Variants in AP3B1 observed in about 807,000 individuals in gnomAD.
AP3B1 encodes the protein AP-3 complex subunit beta-1.
In AP3B1, 61 loss-of-function variants were observed where a neutral mutation model predicts 132.5. The observed-to-expected ratio is 0.46, with a 90% CI of 0.37 to 0.57. AP3B1 has a LOEUF of 0.57. AP3B1 is among the 20% of genes least tolerant of loss of function. AP3B1 has a pLI of 0.00. For missense variants in AP3B1, 1,120 were observed against 1,289.4 expected (o/e 0.87, Z 2.01); for synonymous variants, 388 against 438.3 (o/e 0.89, Z 1.43).
At chr5:78,125,102 A>G (rs113465179) in intron 17 of AP3B1, among the ~76,000 whole-genome samples, 2,118 of 152,314 alleles carry the variant, frequency 0.014, 58 homozygotes, top group African/African-American at 0.048. Flanking sequence ...AGTTTCTGTA[A>G]AGGATAAAAT....
At position 78,141,447 on chromosome 5, in the gene AP3B1, A is replaced by T. The variant is rs2302977; in HGVS notation, c.1474-128T>A. ...TAATTTAATGTATATCTAGGAATTA[A>T]TCCTGTATTTATGAATTTTCGTCAG... On this transcript the variant is annotated intron_variant, in intron 14 of 26. Coordinates refer to ENST00000255194, the MANE Select transcript of AP3B1 (RefSeq NM_003664.5). 0.26 allele frequency: 177,431 copies of T among 694,948 alleles called. 24,059 individuals are homozygous for T. The highest frequency in any genetic ancestry group is 0.39 in the Admixed American group (13,414 of 34,236). The allele number at this position is 694,948 out of a possible 1,614,324, so 43.0% of individuals were successfully genotyped here. A position where few individuals can be genotyped will look rare whatever the true frequency, so the allele number is the denominator to read the frequency against.
chr5:78,149,244 G>A (rs1753543574), intron 14 of AP3B1, among the ~76,000 whole-genome samples: 1 of 152,182 alleles, frequency 6.6e-6, no homozygotes, highest in Non-Finnish European at 1.5e-5. Flanking sequence ...GATTATAAAT[G>A]GAAGTGAGAT....
intron 6 of AP3B1, among the ~76,000 whole-genome samples, chr5:78,219,875 T>C (rs1441034293): frequency 6.6e-6 from 1 of 152,138 alleles, no homozygotes; most frequent in Non-Finnish European, 1.5e-5. Flanking sequence ...TTCAAATGTA[T>C]ATGTATCAGC....
chr5:78,108,252 A>C (rs1751427015), intron 20 of AP3B1, among the ~76,000 whole-genome samples: 1 of 152,206 alleles, frequency 6.6e-6, no homozygotes, highest in East Asian at 1.9e-4. Context: ...AATTAAAGTA[A>C]AGTACCCACC....
At position 78,217,783 on chromosome 5, in the gene AP3B1, T is replaced by C. The variant is rs1746022395; in HGVS notation, c.604-1546A>G. On this transcript the variant is annotated intron_variant, in intron 6 of 26. Transcript: ENST00000255194. ...ATCAACATCAATTGGTAAAGGGTGT[T>C]AAAGTGCAAAAATAAAGGATAGTAT... Among the ~76,000 whole-genome samples the C allele has an allele frequency of 2.0e-5, 3 of 152,112 alleles. No individual in the cohort carries two copies. In the South Asian group the frequency reaches 6.2e-4, roughly 31 times the overall value.
At chr5:78,165,881 C>A (rs1743597157) in intron 11 of AP3B1, among the ~76,000 whole-genome samples, 1 of 152,102 alleles carries the variant, frequency 6.6e-6, no homozygotes, top group Non-Finnish European at 1.5e-5. Flanking sequence ...CCAGCCTGAC[C>A]AACATGGAGA....
rs190469288 is a variant in AP3B1, at chr5:78,018,950, G to A, written c.2992+1742C>T. Among the ~76,000 whole-genome samples the A allele has an allele frequency of 1.4e-3, 211 of 152,214 alleles. 2 individuals are homozygous for A. Among genetic ancestry groups the A allele is most frequent in the Middle Eastern group, 0.014 (4 of 294 alleles). On this transcript the variant is annotated intron_variant, in intron 25 of 26. Transcript: ENST00000255194. Reference sequence around the variant, plus strand: ...GCTATTGAAAAGACTCTTTAAACCTGTGCTAAATTTGCCAGCATCAAGTTC... The same window carrying A: ...GCTATTGAAAAGACTCTTTAAACCTATGCTAAATTTGCCAGCATCAAGTTC...
intron 25 of AP3B1, among the ~76,000 whole-genome samples, chr5:78,019,803 T>C (rs1351923580): frequency 1.3e-5 from 2 of 152,082 alleles, no homozygotes; most frequent in Non-Finnish European, 2.9e-5. Context: ...CCCCTCTTCT[T>C]AGGTGTAGGT....
intron 22 of AP3B1, among the ~76,000 whole-genome samples, chr5:78,060,779 A>AAAAATCTT (rs975062743): frequency 6.6e-6 from 1 of 152,182 alleles, no homozygotes; most frequent in African/African-American, 2.4e-5. Context: ...TTTGAAAAAA[A>AAAAATCTT]AAAATCTTTC....
intron 24 of AP3B1, among the ~76,000 whole-genome samples, chr5:78,027,345 A>G (rs1747376956): frequency 6.6e-6 from 1 of 152,090 alleles, no homozygotes; most frequent in South Asian, 2.1e-4. Context: ...TTCTTTCCCC[A>G]CGGATTTGAA....
At chr5:78,102,543 G>A (rs1751176325) in intron 20 of AP3B1, among the ~76,000 whole-genome samples, 1 of 151,952 alleles carries the variant, frequency 6.6e-6, no homozygotes, top group South Asian at 2.1e-4. Context: ...AAAAATAGAA[G>A]AAACATTAGT....
chr5:78,198,030 G>A (rs987633345), intron 7 of AP3B1, among the ~76,000 whole-genome samples: 1 of 152,184 alleles, frequency 6.6e-6, no homozygotes, highest in Non-Finnish European at 1.5e-5. Context: ...TAGTCACAGA[G>A]ATTAAAAATG....
At chr5:78,141,425 T>A in intron 14 of AP3B1, 106 bp from the exon 15 acceptor site, 2 of 822,562 alleles carry the variant, frequency 2.4e-6, no homozygotes, top group Non-Finnish European at 3.8e-6. Context: ...TATTAATTAA[T>A]TTAATGTATA....
At chr5:78,152,499 G>T (rs1753716581) in intron 14 of AP3B1, among the ~76,000 whole-genome samples, 1 of 152,042 alleles carries the variant, frequency 6.6e-6, no homozygotes. Flanking sequence ...ATGATCCTTT[G>T]AATTTCTGCA....
At chr5:78,265,934 A>G (rs1748303717) in intron 2 of AP3B1, among the ~76,000 whole-genome samples, 1 of 152,080 alleles carries the variant, frequency 6.6e-6, no homozygotes, top group South Asian at 2.1e-4. Flanking sequence ...TCAATTATTC[A>G]TTTCTGTAAA....
chr5:78,197,296 C>T (rs1158368022), intron 7 of AP3B1, among the ~76,000 whole-genome samples: 3 of 151,742 alleles, frequency 2.0e-5, no homozygotes, highest in Non-Finnish European at 4.4e-5. Flanking sequence ...AAAAAAAAAT[C>T]AGAATAAAAT....
intron 7 of AP3B1, among the ~76,000 whole-genome samples, chr5:78,182,053 A>G (rs1744394161): frequency 6.6e-6 from 1 of 152,182 alleles, no homozygotes; most frequent in Admixed American, 6.5e-5. Flanking sequence ...CAAAGAGTCA[A>G]AAAAAGAGGA....
chr5:78,186,067 G>A (rs1263115847), intron 7 of AP3B1, among the ~76,000 whole-genome samples: 1 of 152,144 alleles, frequency 6.6e-6, no homozygotes, highest in Admixed American at 6.5e-5. Flanking sequence ...TAGATTAAAT[G>A]TAAATCAGTA....
At chr5:78,209,781 C>A (rs978866613) in intron 7 of AP3B1, among the ~76,000 whole-genome samples, 1 of 152,186 alleles carries the variant, frequency 6.6e-6, no homozygotes, top group Non-Finnish European at 1.5e-5. Flanking sequence ...AGAAGGGTCA[C>A]TCAGAAAAAT....
Sources: gnomAD v4.1 joint callset for allele counts (sites outside exome capture counted in the v4.1 genomes callset) on GRCh38, gnomAD v4.1.1 for gene constraint, MANE v1.5 for transcripts, NCBI Gene and HGNC (gene_info 2026-07-23, HGNC 2026-07-21) for gene names.